Variants in C2CD2 observed in about 807,000 individuals in gnomAD.
C2CD2 encodes C2 calcium dependent domain containing 2.
In C2CD2, 43 loss-of-function variants were observed where a neutral mutation model predicts 74.3. The observed-to-expected ratio is 0.58, with a 90% CI of 0.45 to 0.75. The LOEUF is 0.75. C2CD2 is among the 30% of genes least tolerant of loss of function. The pLI, the probability that C2CD2 is intolerant of heterozygous loss-of-function variation, is 0.00. For synonymous variants in C2CD2, 422 were observed against 390.7 expected (o/e 1.08, Z -0.94); for missense variants, 801 against 916.3 (o/e 0.87, Z 1.63).
At chr21:41,951,206 A>T (rs549978029) in intron 1 of C2CD2, among the ~76,000 whole-genome samples, 1 of 152,310 alleles carries the variant, frequency 6.6e-6, no homozygotes, top group African/African-American at 2.4e-5. Context: ...CCACAATGCC[A>T]TCACTGACAC....
intron 1 of C2CD2, among the ~76,000 whole-genome samples, chr21:41,950,098 G>A (rs1305251255): frequency 6.6e-6 from 1 of 151,780 alleles, no homozygotes; most frequent in African/African-American, 2.4e-5. Context: ...GTAACAACCT[G>A]CACGTTGTGC....
At chr21:41,891,794 G>A (rs1316675418) in intron 13 of C2CD2, among the ~76,000 whole-genome samples, 1 of 152,024 alleles carries the variant, frequency 6.6e-6, no homozygotes, top group Non-Finnish European at 1.5e-5. Context: ...CTAGGGGGAG[G>A]GAACGCCAAC....
intron 13 of C2CD2, among the ~76,000 whole-genome samples, chr21:41,896,876 TA>T (rs930415123): frequency 3.3e-5 from 5 of 152,206 alleles, no homozygotes; most frequent in Non-Finnish European, 5.9e-5. Flanking sequence ...CAAGTCTCTT[TA>T]AAAGCACTGG....
chr21:41,913,355 T>C (rs1174346713), intron 6 of C2CD2, among the ~76,000 whole-genome samples: 1 of 152,232 alleles, frequency 6.6e-6, no homozygotes, highest in Non-Finnish European at 1.5e-5. Flanking sequence ...GTGTGGACGC[T>C]GGACCACGCA....
At chr21:41,946,144 G>A (rs2065395869) in intron 1 of C2CD2, among the ~76,000 whole-genome samples, 1 of 152,164 alleles carries the variant, frequency 6.6e-6, no homozygotes, top group Non-Finnish European at 1.5e-5. Context: ...CTGCACCTGC[G>A]CCATCACTGC....
chr21:41,936,836 T>C (rs1331182022), intron 2 of C2CD2, among the ~76,000 whole-genome samples: 1 of 114,116 alleles, frequency 8.8e-6, no homozygotes, highest in Non-Finnish European at 2.0e-5. Context: ...TTTTTTTTTT[T>C]TGAGACGCAG....
rs914297205 is a variant in C2CD2, at chr21:41,892,117, T to A, written c.1871-2773A>T. ...CATTGGGGTGGCCCGTGATCCAATA[T>A]GCCTGCTGTCCTTATCAAAAGGGGA... On this transcript the variant is annotated intron_variant, in intron 13 of 13. Coordinates refer to ENST00000380486, the MANE Select transcript of C2CD2 (RefSeq NM_015500.2). The surrounding 1 kb of genome is among the most constrained non-coding windows in gnomAD (Gnocchi z 4.6). Among the ~76,000 whole-genome samples, 3 of 152,160 alleles carry A rather than the reference T, an allele frequency of 2.0e-5. No homozygotes were observed. The highest frequency in any genetic ancestry group is 1.3e-4 in the Admixed American group (2 of 15,278).
rs2065218872 is a variant in C2CD2 at position 41,926,925 on chromosome 21, C to A, written c.379-4840G>T. On this transcript the variant is annotated intron_variant, in intron 2 of 13. Coordinates refer to ENST00000380486, the MANE Select transcript of C2CD2 (RefSeq NM_015500.2). The surrounding 1 kb of genome is among the most constrained non-coding windows in gnomAD (Gnocchi z 8.0). ...AAAGAACTCCCAAATAAAAGGAAGG[C>A]AAAGACCCTTCAGTAATCATCTGGA... 6.6e-6 allele frequency among the ~76,000 whole-genome samples: 1 copy of A among 152,184 alleles called. No homozygotes were observed.
intron 2 of C2CD2, among the ~76,000 whole-genome samples, chr21:41,936,008 A>G (rs2065304428): frequency 6.6e-6 from 1 of 151,718 alleles, no homozygotes; most frequent in South Asian, 2.1e-4. Context: ...AAAAAAAAAC[A>G]TAGAAGGAAA....
intron 1 of C2CD2, among the ~76,000 whole-genome samples, chr21:41,950,102 G>A (rs368597855): frequency 2.6e-5 from 4 of 151,754 alleles, no homozygotes; most frequent in African/African-American, 4.8e-5. Context: ...CAACCTGCAC[G>A]TTGTGCACAT....
Position 41,889,120 on chromosome 21 carries a change from G to A in C2CD2, c.*4C>T. 6.2e-7 allele frequency: 1 copy of A among 1,606,226 alleles called. No individual in the cohort carries two copies. On this transcript the variant is annotated 3_prime_UTR_variant, in exon 14 of 14. Coordinates refer to ENST00000380486, the MANE Select transcript of C2CD2 (RefSeq NM_015500.2). ...TTCTGGCTTGGAGGTGATGACCTCA[G>A]GCCCTACGTGCAGGGCTCCACGGGG...
intron 6 of C2CD2, among the ~76,000 whole-genome samples, chr21:41,912,780 C>T (rs988479668): frequency 1.3e-5 from 2 of 152,188 alleles, no homozygotes; most frequent in Non-Finnish European, 2.9e-5. Flanking sequence ...TGAGCTACCG[C>T]GCCCAGCATT....
chr21:41,933,797 C>T lies in C2CD2; in HGVS notation c.378+8350G>A, dbSNP rs1421682612. Among the ~76,000 whole-genome samples, 28 of 152,298 alleles carry T rather than the reference C, an allele frequency of 1.8e-4. No individual in the cohort carries two copies. The East Asian group carries it at 4.4e-3, about 24-fold the overall frequency. ...AAAGGGGAGGGGAGGGGAGGGAACCCGTCTACTCAACTGGTGGGCTCACCC... is the reference window on the plus strand; with the variant it reads ...AAAGGGGAGGGGAGGGGAGGGAACCTGTCTACTCAACTGGTGGGCTCACCC... On this transcript the variant is annotated intron_variant, in intron 2 of 13. Coordinates refer to ENST00000380486, the MANE Select transcript of C2CD2 (RefSeq NM_015500.2).
At chr21:41,913,329 C>T (rs1272969287) in intron 6 of C2CD2, among the ~76,000 whole-genome samples, 1 of 152,248 alleles carries the variant, frequency 6.6e-6, no homozygotes, top group Non-Finnish European at 1.5e-5. Flanking sequence ...ACTGTGGAAT[C>T]AGTAATTGCT....
In C2CD2 at chr21:41,899,407, A is replaced by C. The variant is rs1345650534; in HGVS notation, c.1561-45T>G. On this transcript the variant is annotated intron_variant, in intron 12 of 13. Coordinates refer to ENST00000380486, the MANE Select transcript of C2CD2 (RefSeq NM_015500.2). This position sits in a 1 kb window ranked among gnomAD's most constrained non-coding sequence, Gnocchi z 4.4. ...AGATGACAAGGGATACATGAAAGGA[A>C]GGGAGGGTTTGAAAAGAACTGAAAA... 1 of 1,560,682 alleles carries C rather than the reference A, an allele frequency of 6.4e-7. No individual in the cohort carries two copies. Among genetic ancestry groups the C allele is most frequent in the African/African-American group, 1.4e-5 (1 of 74,056 alleles).
In C2CD2 at chr21:41,948,644, G is replaced by A. The variant is rs2065422234; in HGVS notation, c.279+4726C>T. On this transcript the variant is annotated intron_variant, in intron 1 of 13. Coordinates refer to ENST00000380486, the MANE Select transcript of C2CD2 (RefSeq NM_015500.2). Reference sequence around the variant, plus strand: ...CCTTCTACTGGAGGAGGGAAGGGCAGCTCCATGGTCCTTCCCCACAGTGGT... The same window carrying A: ...CCTTCTACTGGAGGAGGGAAGGGCAACTCCATGGTCCTTCCCCACAGTGGT... 3.3e-5 allele frequency among the ~76,000 whole-genome samples: 5 copies of A among 152,226 alleles called. No individual in the cohort carries two copies. The South Asian group carries it at 1.0e-3, about 32-fold the overall frequency.
intron 7 of C2CD2, among the ~76,000 whole-genome samples, chr21:41,910,888 T>A (rs1247906599): frequency 6.6e-6 from 1 of 152,232 alleles, no homozygotes; most frequent in Non-Finnish European, 1.5e-5. Flanking sequence ...TTTTCTTGCA[T>A]AGTCCTGATA....
At chr21:41,898,956 C>T in intron 13 of C2CD2, 97 bp downstream of exon 13, 1 of 931,872 alleles carries the variant, frequency 1.1e-6, no homozygotes, top group South Asian at 1.4e-5. Flanking sequence ...TTGTAGGGGA[C>T]AAAGGGAAGG....
chr21:41,924,541 G>A lies in C2CD2; in HGVS notation c.379-2456C>T, dbSNP rs954793634. On this transcript the variant is annotated intron_variant, in intron 2 of 13. Transcript: ENST00000380486. The surrounding 1 kb of genome is among the most constrained non-coding windows in gnomAD (Gnocchi z 4.4). ...ACAAAAAAATGTTTGTATAAGAAATGTTGTCTATTCATGTTAAAAATAAAT... is the reference window on the plus strand; with the variant it reads ...ACAAAAAAATGTTTGTATAAGAAATATTGTCTATTCATGTTAAAAATAAAT... Among the ~76,000 whole-genome samples the A allele has an allele frequency of 9.9e-5, 15 of 152,270 alleles. No homozygotes were observed. The highest frequency in any genetic ancestry group is 3.4e-4 in the African/African-American group (14 of 41,530).
Sources: allele counts gnomAD v4.1 joint callset (sites outside exome capture counted in the v4.1 genomes callset), GRCh38; gene constraint gnomAD v4.1.1; non-coding constraint Gnocchi (gnomAD v3.1); transcripts MANE v1.5; gene names NCBI Gene and HGNC (gene_info 2026-07-23, HGNC 2026-07-21).